PDZRN4: variants seen among roughly 807,000 people sequenced by gnomAD.
The protein encoded by PDZRN4 is PDZ domain-containing RING finger protein 4.
A neutral mutation model predicts 99.0 loss-of-function variants in PDZRN4; 70 were observed. The ratio of observed to expected loss-of-function variants is 0.71; its 90% CI spans 0.58 to 0.86. The LOEUF is 0.86. PDZRN4 is among the 40% of genes least tolerant of loss of function. The pLI is 0.00. For synonymous variants in PDZRN4, 551 were observed against 501.6 expected, an observed-to-expected ratio of 1.10 and a Z score of -1.32; for missense variants, 1,474 against 1,331.2, an observed-to-expected ratio of 1.11 and a Z score of -1.67.
At chr12:41,326,255 G>A (rs1029725339) in intron 3 of PDZRN4, among the ~76,000 whole-genome samples, 8 of 152,026 alleles carry the variant, frequency 5.3e-5, no homozygotes, top group African/African-American at 1.7e-4. Context: ...TGGGATTACA[G>A]GCATGAGCCA....
intron 5 of PDZRN4, 35 bp downstream of exon 5, chr12:41,509,948 ATGAAGTTACGGT>A: frequency 9.8e-7 from 1 of 1,024,256 alleles, no homozygotes. Flanking sequence ...ACATTTCTTC[ATGAAGTTACGGT>A]TGAGGGGTTT....
chr12:41,444,062 A>T (rs1952702951), intron 3 of PDZRN4, among the ~76,000 whole-genome samples: 1 of 152,126 alleles, frequency 6.6e-6, no homozygotes, highest in Non-Finnish European at 1.5e-5. Flanking sequence ...ATGGAAGTCA[A>T]GAGGAGAGAG....
chr12:41,572,765 G>C lies in PDZRN4; in HGVS notation c.1986G>C (p.Val662=). 1 of 1,614,120 alleles carries C rather than the reference G, an allele frequency of 6.2e-7. No homozygotes were observed. Among genetic ancestry groups the C allele is most frequent in the Non-Finnish European group, 8.5e-7 (1 of 1,180,002 alleles). The change falls in exon 10 of 10, where the codon GTG becomes GTC. Residue 662 remains valine (V), a synonymous_variant. Transcript: ENST00000402685. ...IECNQGEQEG[V]EHELQLLNEE... ...GCAATCAAGGGGAGCAAGAGGGAGTGGAGCATGAGCTACAGTTGCTTAATG... is the reference window on the plus strand; with the variant it reads ...GCAATCAAGGGGAGCAAGAGGGAGTCGAGCATGAGCTACAGTTGCTTAATG...
intron 3 of PDZRN4, among the ~76,000 whole-genome samples, chr12:41,338,816 C>T (rs2121009815): frequency 6.6e-6 from 1 of 151,664 alleles, no homozygotes; most frequent in East Asian, 1.9e-4. Context: ...TAAACAACAA[C>T]AACAAAATCT....
intron 3 of PDZRN4, among the ~76,000 whole-genome samples, chr12:41,280,367 C>T (rs1565540391): frequency 6.6e-6 from 1 of 152,048 alleles, no homozygotes; most frequent in Non-Finnish European, 1.5e-5. Context: ...AAGACAGACC[C>T]GTTTACTCCC....
chr12:41,405,290 A>G (rs909779519), intron 3 of PDZRN4, among the ~76,000 whole-genome samples: 5 of 152,192 alleles, frequency 3.3e-5, no homozygotes, highest in Admixed American at 1.3e-4. Flanking sequence ...GGCAAAGGAC[A>G]TGAACAGACA....
intron 3 of PDZRN4, among the ~76,000 whole-genome samples, chr12:41,232,773 A>C (rs1277052994): frequency 1.3e-5 from 2 of 152,070 alleles, no homozygotes; most frequent in Non-Finnish European, 2.9e-5. Flanking sequence ...GGTATTGCCT[A>C]GGTTTTCTTC....
At chr12:41,294,074 CT>C (rs1592000711) in intron 3 of PDZRN4, among the ~76,000 whole-genome samples, 1 of 152,092 alleles carries the variant, frequency 6.6e-6, no homozygotes, top group African/African-American at 2.4e-5. Context: ...GTTTTTGTTT[CT>C]TTTTTTCCTC....
At chr12:41,258,609 A>G (rs183994334) in intron 3 of PDZRN4, among the ~76,000 whole-genome samples, 3 of 152,330 alleles carry the variant, frequency 2.0e-5, no homozygotes, top group Admixed American at 2.0e-4. Flanking sequence ...AAAATTAAGT[A>G]CCAAAAACGT....
In PDZRN4 at chr12:41,573,892, C is replaced by G. The variant is rs1412452935; in HGVS notation, c.*2C>G. ...TTCTTGTCGGTGACCACTGTATGAC[C>G]GAATGAATGGAATGCATGCGACTGA... On this transcript the variant is annotated 3_prime_UTR_variant, in exon 10 of 10. Coordinates refer to ENST00000402685, the MANE Select transcript of PDZRN4 (RefSeq NM_001164595.2). 1.3e-6 allele frequency: 2 copies of G among 1,535,978 alleles called. No homozygotes were observed. The highest frequency in any genetic ancestry group is 1.7e-6 in the Non-Finnish European group (2 of 1,143,900).
At chr12:41,509,675 G>T (rs1331412464) in intron 4 of PDZRN4, 136 bp from the exon 5 acceptor site, 2 of 493,004 alleles carry the variant, frequency 4.1e-6, no homozygotes, top group African/African-American at 4.0e-5. Flanking sequence ...TTCCTCAGCT[G>T]TAGTTTGTTT....
chr12:41,223,991 T>C (rs1324936214), intron 3 of PDZRN4, among the ~76,000 whole-genome samples: 1 of 152,148 alleles, frequency 6.6e-6, no homozygotes, highest in Non-Finnish European at 1.5e-5. Flanking sequence ...GTCCTGGACA[T>C]GGTAGGAGGG....
chr12:41,572,448 C>G lies in PDZRN4; in HGVS notation c.1669C>G (p.Arg557Gly), dbSNP rs752112201. 3.7e-6 allele frequency: 6 copies of G among 1,613,852 alleles called. No individual in the cohort carries two copies. In the Admixed American group the frequency reaches 1.0e-4, roughly 27 times the overall value. Residue 557 changes from arginine to glycine, a missense_variant, in exon 10 of 10, where the codon CGT becomes GGT. Transcript: ENST00000402685. ...NNHEKDSGVG[R>G]TDESLRNDES... ...CCATGAGAAGGACAGTGGAGTAGGA[C>G]GTACAGATGAAAGCTTGCGAAATGA...
intron 3 of PDZRN4, among the ~76,000 whole-genome samples, chr12:41,306,365 C>A (rs1349184198): frequency 6.6e-6 from 1 of 152,176 alleles, no homozygotes; most frequent in Non-Finnish European, 1.5e-5. Context: ...GCCTTTGGGG[C>A]CATTCTTTCC....
intron 3 of PDZRN4, among the ~76,000 whole-genome samples, chr12:41,197,890 TC>T (rs869117372): frequency 2.1e-5 from 3 of 143,962 alleles, no homozygotes; most frequent in South Asian, 4.2e-4. Flanking sequence ...CTTTCTTTCT[TC>T]TTCTTCTTCT....
intron 3 of PDZRN4, among the ~76,000 whole-genome samples, chr12:41,245,165 T>C (rs1182103399): frequency 6.6e-6 from 1 of 152,114 alleles, no homozygotes; most frequent in Non-Finnish European, 1.5e-5. Context: ...CATCCTCTTG[T>C]GTATTATATA....
chr12:41,241,019 G>T (rs1951098424), intron 3 of PDZRN4, among the ~76,000 whole-genome samples: 1 of 151,918 alleles, frequency 6.6e-6, no homozygotes, highest in Admixed American at 6.6e-5. Flanking sequence ...TATCTATTTT[G>T]CTCCTCCCCC....
At chr12:41,507,470 A>G (rs939402319) in intron 4 of PDZRN4, among the ~76,000 whole-genome samples, 5 of 152,106 alleles carry the variant, frequency 3.3e-5, no homozygotes, top group Admixed American at 6.6e-5. Context: ...CTGCATTTTC[A>G]TCACCTACTC....
chr12:41,351,884 T>C (rs7138183), intron 3 of PDZRN4, among the ~76,000 whole-genome samples: 58,513 of 151,604 alleles, frequency 0.39, 11,404 homozygotes, highest in African/African-American at 0.41. Context: ...GTGATACTTG[T>C]CTGTAATCCC....
Sources: allele counts gnomAD v4.1 joint callset (sites outside exome capture counted in the v4.1 genomes callset), GRCh38; gene constraint gnomAD v4.1.1; transcripts MANE v1.5; gene names NCBI Gene and HGNC (gene_info 2026-07-23, HGNC 2026-07-21).